N4BP2: variants seen among roughly 807,000 people sequenced by gnomAD.
N4BP2 encodes NEDD4 binding protein 2.
A neutral mutation model predicts 152.8 loss-of-function variants in N4BP2; 91 were observed. The observed-to-expected ratio is 0.60, with a 90% CI of 0.50 to 0.71. N4BP2 has a LOEUF of 0.71. N4BP2 is among the 30% of genes least tolerant of loss of function. The pLI is 0.00. For missense variants in N4BP2, 1,923 were observed against 2,059.1 expected (o/e 0.93, Z 1.28); for synonymous variants, 646 against 705.3 (o/e 0.92, Z 1.33).
chr4:40,161,638 G>A (rs957594315), downstream of N4BP2, among the ~76,000 whole-genome samples: 3 of 152,308 alleles, frequency 2.0e-5, no homozygotes, highest in East Asian at 1.9e-4. Context: ...AAATATGTAC[G>A]TAAAATGATA....
Position 40,102,910 on chromosome 4 carries a change from TC to T in N4BP2, c.1067del (p.Pro356LeufsTer11). ...TTGCTCCTCTCCCATTGCTGTTGCC[TC>T]CTCCGCCACCTCCACCGATGTGGAA... Reference protein sequence around the residue: ...VLAPLPLLLPPPPPPPMWNPM... With the variant: ...VLAPLPLLLPXPPPPPMWNPM... On this transcript the variant is annotated frameshift_variant, in exon 4 of 18. Coordinates refer to ENST00000261435, the MANE Select transcript of N4BP2 (RefSeq NM_018177.6). LOFTEE classifies it high-confidence loss of function. The T allele has an allele frequency of 6.2e-7, 1 of 1,614,136 alleles. No homozygotes were observed. The highest frequency in any genetic ancestry group is 8.5e-7 in the Non-Finnish European group (1 of 1,180,026).
At chr4:40,136,487 C>T (rs1010719080) in intron 13 of N4BP2, among the ~76,000 whole-genome samples, 9 of 152,188 alleles carry the variant, frequency 5.9e-5, no homozygotes, top group Admixed American at 3.3e-4. Context: ...CGGGTTCAAG[C>T]GATTCTCGTG....
the N4BP2 span, among the ~76,000 whole-genome samples, chr4:40,190,382 G>A: frequency 6.6e-6 from 1 of 152,224 alleles, no homozygotes; most frequent in Non-Finnish European, 1.5e-5. Flanking sequence ...CTCAGATTAT[G>A]CATAAGGAAT....
chr4:40,070,177 T>C (rs1360473343), intron 1 of N4BP2, among the ~76,000 whole-genome samples: 1 of 152,234 alleles, frequency 6.6e-6, no homozygotes, highest in Non-Finnish European at 1.5e-5. Flanking sequence ...TCTACATATA[T>C]AAATTTCCTG....
At chr4:40,147,987 C>T (rs4974920) in intron 16 of N4BP2, among the ~76,000 whole-genome samples, 9,880 of 149,290 alleles carry the variant, frequency 0.066, 393 homozygotes, top group Non-Finnish European at 0.085. Flanking sequence ...CGGGAAGAGG[C>T]GCTCCTCACT....
intron 7 of N4BP2, among the ~76,000 whole-genome samples, chr4:40,116,359 C>T (rs916668901): frequency 1.2e-4 from 18 of 151,978 alleles, no homozygotes; most frequent in African/African-American, 4.1e-4. Flanking sequence ...TTGTTTATCT[C>T]GCCTTTTCTG....
intron 2 of N4BP2, among the ~76,000 whole-genome samples, chr4:40,092,009 T>TAAAAA (rs1560584824): frequency 1.4e-4 from 2 of 14,806 alleles, no homozygotes; most frequent in African/African-American, 3.1e-4. Context: ...AAAAAAAAAT[T>TAAAAA]ATATATATAT....
chr4:40,139,828 C>CTTTTTTTTTTT (rs1209677713), intron 14 of N4BP2, among the ~76,000 whole-genome samples: 7 of 97,836 alleles, frequency 7.2e-5, no homozygotes, highest in East Asian at 3.0e-4. Flanking sequence ...ATTTTTTTTT[C>CTTTTTTTTTTT]TTTTTTTTTT....
intron 2 of N4BP2, among the ~76,000 whole-genome samples, chr4:40,094,677 C>T (rs1215708794): frequency 6.6e-6 from 1 of 151,720 alleles, no homozygotes; most frequent in African/African-American, 2.4e-5. Flanking sequence ...CTTAGCCTCT[C>T]GAGTAGCTGG....
chr4:40,170,627 A>C, the N4BP2 span, among the ~76,000 whole-genome samples: 4 of 152,102 alleles, frequency 2.6e-5, no homozygotes, highest in East Asian at 7.7e-4. Context: ...TGACCAAGTG[A>C]GACCCTGTCC....
intron 2 of N4BP2, among the ~76,000 whole-genome samples, chr4:40,089,679 T>C (rs1445834536): frequency 6.6e-6 from 1 of 151,938 alleles, no homozygotes; most frequent in East Asian, 1.9e-4. Flanking sequence ...TCAAGTGATC[T>C]GCATGCCTCA....
intron 2 of N4BP2, among the ~76,000 whole-genome samples, chr4:40,083,669 G>A (rs956630277): frequency 1.3e-5 from 2 of 152,134 alleles, no homozygotes; most frequent in African/African-American, 2.4e-5. Flanking sequence ...GGTTGCCAGG[G>A]GATAGGAGAG....
chr4:40,162,985 A>C (rs573598082), downstream of N4BP2, among the ~76,000 whole-genome samples: 44 of 152,228 alleles, frequency 2.9e-4, no homozygotes, highest in Non-Finnish European at 5.3e-4. Flanking sequence ...GTGTCCTTAC[A>C]ACATGGTGGC....
At chr4:40,099,879 G>A (rs1026834832) in intron 3 of N4BP2, among the ~76,000 whole-genome samples, 8 of 150,778 alleles carry the variant, frequency 5.3e-5, no homozygotes, top group Non-Finnish European at 7.4e-5. Context: ...TACTCCTTAC[G>A]TTTGCTTTCT....
intron 2 of N4BP2, among the ~76,000 whole-genome samples, chr4:40,090,952 A>AAGTTGT (rs57402597): frequency 0.042 from 4,224 of 99,734 alleles, 636 homozygotes; most frequent in African/African-American, 0.15. Context: ...AAAAAAAAAA[A>AAGTTGT]AGTTTATAAG....
intron 2 of N4BP2, among the ~76,000 whole-genome samples, chr4:40,076,820 T>A (rs1484696600): frequency 2.6e-5 from 4 of 152,166 alleles, no homozygotes; most frequent in Admixed American, 6.6e-5. Flanking sequence ...ATACTTTTGG[T>A]ATCTCATGAG....
At chr4:40,164,074 G>A in the N4BP2 span, among the ~76,000 whole-genome samples, 1 of 152,180 alleles carries the variant, frequency 6.6e-6, no homozygotes, top group Non-Finnish European at 1.5e-5. Flanking sequence ...TATGGGAAGG[G>A]TTCAGTGTGG....
chr4:40,153,890 A>T (rs1353850045), intron 17 of N4BP2, among the ~76,000 whole-genome samples: 2 of 152,150 alleles, frequency 1.3e-5, no homozygotes, highest in African/African-American at 4.8e-5. Flanking sequence ...TGCACCAAGG[A>T]CTTTATTCTT....
intron 2 of N4BP2, among the ~76,000 whole-genome samples, chr4:40,094,113 T>C (rs1465160753): frequency 6.6e-6 from 1 of 152,230 alleles, no homozygotes; most frequent in Non-Finnish European, 1.5e-5. Context: ...TTTTCGAGAC[T>C]TCATCATTGA....
Sources: gnomAD v4.1 joint callset for allele counts (sites outside exome capture counted in the v4.1 genomes callset) on GRCh38, gnomAD v4.1.1 for gene constraint, MANE v1.5 for transcripts, NCBI Gene and HGNC (gene_info 2026-07-23, HGNC 2026-07-21) for gene names.